The following ABCA10 variants were observed in gnomAD, a reference collection of about 807,000 sequenced individuals.
The protein encoded by ABCA10 is ATP-binding cassette sub-family A member 10.
A neutral mutation model predicts 187.5 loss-of-function variants in ABCA10; 169 were observed. The observed-to-expected ratio is 0.90, with a 90% confidence interval of 0.80 to 1.02. The LOEUF is 1.02. Among genes scored for constraint, ABCA10 ranks in the 50% least tolerant of loss-of-function variants. ABCA10 has a pLI of 0.00. For synonymous variants in ABCA10, 574 were observed against 601.8 expected (o/e 0.95, Z 0.68); for missense variants, 1,727 against 1,812.4 (o/e 0.95, Z 0.86).
chr17:69,155,761 A>C (rs759847633), intron 29 of ABCA10, 44 bp downstream of exon 29: 1 of 1,591,034 alleles, frequency 6.3e-7, no homozygotes, highest in Admixed American at 1.8e-5. Flanking sequence ...CTAGAGGACA[A>C]ACTATCTGAG....
chr17:69,191,088 T>C, intron 17 of ABCA10, 88 bp downstream of exon 17: 1 of 1,210,376 alleles, frequency 8.3e-7, no homozygotes, highest in Non-Finnish European at 1.1e-6. Flanking sequence ...GTATAAGCTT[T>C]AGAACTCGAT....
chr17:69,223,045 AGGGGTAGGGGAGGAGAG>A (rs1257854503), intron 3 of ABCA10, among the ~76,000 whole-genome samples: 26 of 114,570 alleles, frequency 2.3e-4, no homozygotes, highest in Non-Finnish European at 3.0e-4. Context: ...AATTTGAATG[AGGGGTAGGGGAGGAGAG>A]GGGGTAGGGG....
chr17:69,181,992 G>A (rs895478559), intron 22 of ABCA10, among the ~76,000 whole-genome samples, 161 bp downstream of exon 22: 4 of 151,824 alleles, frequency 2.6e-5, no homozygotes, highest in South Asian at 2.1e-4. Context: ...GTACTATTAC[G>A]CTCCCTACTT....
At chr17:69,177,886 G>C (rs1156542889) in intron 22 of ABCA10, among the ~76,000 whole-genome samples, 1 of 142,834 alleles carries the variant, frequency 7.0e-6, no homozygotes, top group Non-Finnish European at 1.5e-5. Context: ...AACCCAGGAG[G>C]TGGAGGTTGC....
rs1218332896 is a variant in ABCA10 at position 69,174,649 on chromosome 17, T to C, written c.3006A>G (p.Ile1002Met). 1.2e-6 allele frequency: 2 copies of C among 1,608,348 alleles called. No homozygotes were observed. Among genetic ancestry groups the C allele is most frequent in the South Asian group, 2.2e-5 (2 of 89,916 alleles). Reference protein sequence around the residue: ...LFSIHLIYYFIFLGFQLSWEL... With the variant: ...LFSIHLIYYFMFLGFQLSWEL... ...CCCATGAAAGCTGGAATCCCAGAAA[T>C]ATGAAGTAGTAAATTAAATGTATTG... is the stretch of plus-strand genomic sequence containing the variant. The change falls in exon 24 of 39, where the codon ATA (isoleucine) becomes ATG (methionine). Residue 1002 changes from isoleucine to methionine, a missense_variant. Physicochemically the swap from Ile to Met is conservative, Grantham distance 10 (BLOSUM62 1). Transcript: ENST00000690296.
chr17:69,196,455 G>C (rs2074503720), intron 11 of ABCA10: 1 of 179,280 alleles, frequency 5.6e-6, no homozygotes. Flanking sequence ...TCAGACGATG[G>C]GCGGCGGGGC....
intron 6 of ABCA10, among the ~76,000 whole-genome samples, chr17:69,217,436 T>C (rs537220708): frequency 1.3e-4 from 20 of 152,268 alleles, no homozygotes; most frequent in Non-Finnish European, 2.5e-4. Context: ...TTAAAACTTA[T>C]GCTCACACAA....
intron 5 of ABCA10, among the ~76,000 whole-genome samples, chr17:69,220,153 G>A (rs574911290): frequency 5.3e-4 from 81 of 152,218 alleles, no homozygotes; most frequent in African/African-American, 1.9e-3. Flanking sequence ...AAAGAAAAGT[G>A]TAGGAAAATC....
chr17:69,186,575 T>C lies in ABCA10; in HGVS notation c.2331-932A>G, dbSNP rs2074423427. Among the ~76,000 whole-genome samples, 3 of 152,234 alleles carry C rather than the reference T, an allele frequency of 2.0e-5. No homozygotes were observed. The South Asian group carries it at 6.2e-4, about 32-fold the overall frequency. Reference sequence around the variant, plus strand: ...TCCACAGTCAAGCACCGCAAAAGAGTTGTCTACTTTCAGACCTTCTCTTGC... The same window carrying C: ...TCCACAGTCAAGCACCGCAAAAGAGCTGTCTACTTTCAGACCTTCTCTTGC... On this transcript the variant is annotated intron_variant, in intron 19 of 38. Transcript: ENST00000690296.
chr17:69,195,597 G>GT (rs2074493692), intron 11 of ABCA10, among the ~76,000 whole-genome samples: 1 of 77,204 alleles, frequency 1.3e-5, no homozygotes, highest in Non-Finnish European at 2.5e-5. Context: ...ATTCTTGGGT[G>GT]TTTCTCAGAG....
chr17:69,226,712 T>A (rs913399568), intron 2 of ABCA10, among the ~76,000 whole-genome samples: 10 of 151,972 alleles, frequency 6.6e-5, no homozygotes, highest in Non-Finnish European at 1.5e-4. Flanking sequence ...CCAAATAACA[T>A]GACATTAATC....
rs762955040 is a variant in ABCA10 at position 69,182,339 on chromosome 17, T to C, written c.2632-49A>G. 3 of 1,289,470 alleles carry C rather than the reference T, an allele frequency of 2.3e-6. No homozygotes were observed. The South Asian group carries it at 6.0e-5, about 26-fold the overall frequency. The allele number at this position is 1,289,470 out of a possible 1,614,324, so 79.9% of individuals were successfully genotyped here. ...AAGTTATAAATTCTTATAGTAAATA[T>C]ATTTATTGTATACTTTGTATATTAC... On this transcript the variant is annotated intron_variant, in intron 21 of 38. Coordinates refer to ENST00000690296, the MANE Select transcript of ABCA10 (RefSeq NM_001377321.1).
At chr17:69,215,774 G>T (rs1161694232) in intron 8 of ABCA10, 41 bp downstream of exon 8, 1 of 1,401,542 alleles carries the variant, frequency 7.1e-7, no homozygotes, top group Non-Finnish European at 9.4e-7. Context: ...AACATATTTT[G>T]AAAATCTAAT....
chr17:69,220,115 GTTT>G (rs1317572038), intron 5 of ABCA10, among the ~76,000 whole-genome samples: 5 of 152,138 alleles, frequency 3.3e-5, no homozygotes, highest in Admixed American at 6.5e-5. Flanking sequence ...ATAATAAATT[GTTT>G]AGTTACAATT....
chr17:69,230,233 A>T (rs543513050), upstream of ABCA10, among the ~76,000 whole-genome samples: 10 of 152,204 alleles, frequency 6.6e-5, 1 homozygote, highest in South Asian at 2.1e-3. Flanking sequence ...CGGCTTCCAG[A>T]ACTGTGAGAA....
chr17:69,168,023 A>G (rs2074267145), intron 25 of ABCA10, among the ~76,000 whole-genome samples: 1 of 152,132 alleles, frequency 6.6e-6, no homozygotes, highest in Admixed American at 6.6e-5. Flanking sequence ...CCTACTTAAT[A>G]TGAAGACAAC....
chr17:69,149,575 T>TGA (rs2074113414), intron 37 of ABCA10, among the ~76,000 whole-genome samples: 1 of 152,164 alleles, frequency 6.6e-6, no homozygotes, highest in African/African-American at 2.4e-5. Flanking sequence ...GTCCTCCAAC[T>TGA]GTTGCCTCTG....
intron 9 of ABCA10, among the ~76,000 whole-genome samples, chr17:69,207,688 T>A (rs764954445): frequency 6.6e-6 from 1 of 152,218 alleles, no homozygotes; most frequent in Admixed American, 6.5e-5. Flanking sequence ...CTCATTTATA[T>A]GTAGAATCTA....
At chr17:69,190,719 G>A (rs937531711) in intron 17 of ABCA10, among the ~76,000 whole-genome samples, 3 of 151,708 alleles carry the variant, frequency 2.0e-5, no homozygotes, top group Non-Finnish European at 4.4e-5. Flanking sequence ...TGCTGTGTGT[G>A]TTTGTATAAG....
Sources: gnomAD v4.1 joint callset for allele counts (sites outside exome capture counted in the v4.1 genomes callset) on GRCh38, gnomAD v4.1.1 for gene constraint, MANE v1.5 for transcripts, NCBI Gene and HGNC (gene_info 2026-07-23, HGNC 2026-07-21) for gene names.